The following USP34 variants were observed in gnomAD, a reference collection of about 807,000 sequenced individuals.
USP34 encodes ubiquitin specific peptidase 34, also known as ubiquitin carboxyl-terminal hydrolase 34.
USP34 carries 70 observed loss-of-function variants against 460.3 expected under a neutral mutation model. The observed-to-expected ratio is 0.15, with a 90% confidence interval of 0.13 to 0.19. USP34 has a LOEUF of 0.19. Ranked by LOEUF, USP34 falls within the 10% of genes least tolerant of loss-of-function variation. USP34 has a pLI of 1.00. For synonymous variants in USP34, 1,647 were observed against 1,405.3 expected (o/e 1.17, Z -3.85); for missense variants, 3,985 against 4,236.2 (o/e 0.94, Z 1.65).
At chr2:61,454,796 G>A (rs1038418257) in intron 1 of USP34, among the ~76,000 whole-genome samples, 9 of 149,240 alleles carry the variant, frequency 6.0e-5, no homozygotes, top group Admixed American at 2.7e-4. Context: ...TGATCCGCCC[G>A]CCTAGGCCTC....
chr2:61,250,157 G>C (rs1688536900), intron 48 of USP34: 1 of 157,550 alleles, frequency 6.3e-6, no homozygotes, highest in African/African-American at 2.4e-5. Context: ...GGCTGAGGTT[G>C]GAGGGAGCCA....
intron 1 of USP34, among the ~76,000 whole-genome samples, chr2:61,450,331 G>A (rs1384019341): frequency 6.6e-6 from 1 of 152,182 alleles, no homozygotes; most frequent in Non-Finnish European, 1.5e-5. Flanking sequence ...GAATCCTATT[G>A]AGGTGATAAA....
chr2:61,301,073 T>G lies in USP34; in HGVS notation c.4006A>C (p.Lys1336Gln), dbSNP rs1219077943. ...AGCAAAAGCATTGGAATGTTGTCCT[T>G]CTGAGGGGGTGGGAGGCAAGATGCT... ...LPASCLPPPQKDNIPMLLLLQ... is the reference protein window; with the variant it reads ...LPASCLPPPQQDNIPMLLLLQ... The change falls in exon 29 of 80, where the codon AAG (lysine) becomes CAG (glutamine). Residue 1336 changes from lysine (K) to glutamine (Q), a missense_variant. Coordinates refer to ENST00000398571, the MANE Select transcript of USP34 (RefSeq NM_014709.4). The G allele has an allele frequency of 2.5e-6, 4 of 1,614,056 alleles. No homozygotes were observed. Among genetic ancestry groups the G allele is most frequent in the Non-Finnish European group, 3.4e-6 (4 of 1,180,000 alleles).
chr2:61,294,543 T>A (rs1331183016), intron 32 of USP34, among the ~76,000 whole-genome samples: 1 of 151,976 alleles, frequency 6.6e-6, no homozygotes, highest in South Asian at 2.1e-4. Context: ...CTCAGCCACC[T>A]GGGTAGCTGG....
chr2:61,191,791 A>G (rs1686651861), intron 76 of USP34, among the ~76,000 whole-genome samples: 1 of 152,236 alleles, frequency 6.6e-6, no homozygotes, highest in Non-Finnish European at 1.5e-5. Context: ...AGGAAGAATG[A>G]AAAAGAACAG....
rs1024202260 is a variant in USP34 at position 61,206,035 on chromosome 2, G to A, written c.9136C>T (p.Leu3046Phe). 3 of 1,613,320 alleles carry A rather than the reference G, an allele frequency of 1.9e-6. No individual in the cohort carries two copies. The highest frequency in any genetic ancestry group is 2.5e-6 in the Non-Finnish European group (3 of 1,179,476). Residue 3046 changes from leucine (L) to phenylalanine (F), a missense_variant, in exon 72 of 80, where the codon CTT becomes TTT. Coordinates refer to ENST00000398571, the MANE Select transcript of USP34 (RefSeq NM_014709.4). ...TLLNSYSPPE[L>F]RNACIDVLKE... ...AACTTACCTATACAGGCATTTCTAA[G>A]TTCTGGAGGACTATAGGAATTAAGA...
intron 20 of USP34, among the ~76,000 whole-genome samples, chr2:61,326,414 AGAC>A (rs1691091643): frequency 6.6e-6 from 1 of 152,100 alleles, no homozygotes; most frequent in Non-Finnish European, 1.5e-5. Flanking sequence ...ATTATAGTAG[AGAC>A]GGGGTTTCAC....
At chr2:61,301,973 G>GGAAAGAAAGAAA (rs148862524) in intron 27 of USP34, among the ~76,000 whole-genome samples, 1 of 151,326 alleles carries the variant, frequency 6.6e-6, no homozygotes, top group Non-Finnish European at 1.5e-5. Flanking sequence ...AAAGGAAAAA[G>GGAAAGAAAGAAA]GAAAGAAAGA....
chr2:61,433,854 A>T (rs1386412541), intron 1 of USP34, among the ~76,000 whole-genome samples: 2 of 152,162 alleles, frequency 1.3e-5, no homozygotes. Context: ...GGGGGCCAGT[A>T]GCCACTGCAC....
At chr2:61,243,558 ATTT>A (rs377487628) in intron 51 of USP34, among the ~76,000 whole-genome samples, 75,846 of 144,504 alleles carry the variant, frequency 0.52, 19,844 homozygotes, top group South Asian at 0.73. Flanking sequence ...TTCTTCCTTC[ATTT>A]TTTTTTTTTT....
chr2:61,189,257 TTG>T, intron 78 of USP34, 188 bp from the exon 79 acceptor site: 1 of 522,792 alleles, frequency 1.9e-6, no homozygotes, highest in Non-Finnish European at 3.0e-6. Flanking sequence ...ATTTCATTAG[TTG>T]TTTTTTTTTT....
At chr2:61,321,182 C>A (rs1224807349) in intron 21 of USP34, among the ~76,000 whole-genome samples, 26 of 148,594 alleles carry the variant, frequency 1.7e-4, no homozygotes, top group African/African-American at 5.9e-4. Flanking sequence ...AAAAAAAAAA[C>A]AAAAAAATGG....
intron 27 of USP34, among the ~76,000 whole-genome samples, chr2:61,305,671 C>G (rs1690380590): frequency 6.6e-6 from 1 of 152,060 alleles, no homozygotes; most frequent in African/African-American, 2.4e-5. Context: ...AAGTTATAAT[C>G]TCACAGATCT....
At chr2:61,190,218 T>C (rs926460729) in intron 78 of USP34, 53 bp downstream of exon 78, 1 of 1,539,804 alleles carries the variant, frequency 6.5e-7, no homozygotes, top group African/African-American at 1.4e-5. Context: ...GGCCACACAG[T>C]TAACTGAAGG....
chr2:61,356,248 G>A (rs1241609759), intron 10 of USP34, among the ~76,000 whole-genome samples: 3 of 151,614 alleles, frequency 2.0e-5, no homozygotes, highest in South Asian at 2.1e-4. Context: ...AGCACTTTGG[G>A]AGGCCAAGGC....
intron 43 of USP34, among the ~76,000 whole-genome samples, chr2:61,260,907 T>C (rs939870028): frequency 1.3e-5 from 2 of 152,184 alleles, no homozygotes; most frequent in African/African-American, 4.8e-5. Context: ...CAAGGGAATT[T>C]TACTTAATGC....
At chr2:61,423,756 C>T (rs1267582504) in intron 1 of USP34, among the ~76,000 whole-genome samples, 1 of 152,100 alleles carries the variant, frequency 6.6e-6, no homozygotes, top group East Asian at 1.9e-4. Context: ...CCAGCCTGGG[C>T]AACACAGCAA....
chr2:61,358,144 A>C (rs2103805033), intron 10 of USP34, among the ~76,000 whole-genome samples: 1 of 152,202 alleles, frequency 6.6e-6, no homozygotes, highest in Non-Finnish European at 1.5e-5. Context: ...GTGAACCAAG[A>C]TTGCACCACG....
chr2:61,291,874 T>C (rs567207254), intron 33 of USP34, among the ~76,000 whole-genome samples: 4 of 152,158 alleles, frequency 2.6e-5, no homozygotes, highest in Non-Finnish European at 5.9e-5. Context: ...AAACATGTAA[T>C]ATAATTATAA....
Sources: allele counts gnomAD v4.1 joint callset (sites outside exome capture counted in the v4.1 genomes callset), GRCh38; gene constraint gnomAD v4.1.1; transcripts MANE v1.5; gene names NCBI Gene and HGNC (gene_info 2026-07-23, HGNC 2026-07-21).